TUSC3: variants seen among roughly 807,000 people sequenced by gnomAD.
TUSC3 encodes dolichyl-diphosphooligosaccharide--protein glycosyltransferase subunit TUSC3.
TUSC3 carries 45 observed loss-of-function variants against 44.8 expected under a neutral mutation model. That is an observed-to-expected ratio of 1.00 (90% CI 0.79 to 1.29). The LOEUF (loss-of-function observed/expected upper bound fraction) is 1.29, where lower values mean the gene tolerates loss of function less well. Among genes scored for constraint, TUSC3 ranks in the 50% most tolerant of loss-of-function variants. The pLI is 0.00. For missense variants in TUSC3, 519 were observed against 437.9 expected, an observed-to-expected ratio of 1.19 and a Z score of -1.65; for synonymous variants, 212 against 152.9, an observed-to-expected ratio of 1.39 and a Z score of -2.85.
chr8:15,697,704 T>A (rs1223222694), intron 6 of TUSC3, among the ~76,000 whole-genome samples: 1 of 152,216 alleles, frequency 6.6e-6, no homozygotes, highest in African/African-American at 2.4e-5. Context: ...TCTGTTTAGG[T>A]CATAATGCTG....
intron 2 of TUSC3, among the ~76,000 whole-genome samples, chr8:15,646,360 C>G (rs1806630096): frequency 6.6e-6 from 1 of 151,880 alleles, no homozygotes; most frequent in Admixed American, 6.6e-5. Flanking sequence ...TTTATTCTTC[C>G]CATTATCTTC....
chr8:15,440,475 A>C (rs183039502), intron 1 of TUSC3, among the ~76,000 whole-genome samples: 1 of 152,302 alleles, frequency 6.6e-6, no homozygotes, highest in Non-Finnish European at 1.5e-5. Context: ...TAACAGAACT[A>C]ATTTTTATTG....
intron 6 of TUSC3, among the ~76,000 whole-genome samples, chr8:15,697,676 G>C (rs368651283): frequency 1.3e-5 from 2 of 152,112 alleles, no homozygotes; most frequent in Non-Finnish European, 2.9e-5. Flanking sequence ...GACCTAATGG[G>C]TTATGTACAT....
At chr8:15,733,345 C>CTT in intron 7 of TUSC3, 2 of 381,610 alleles carry the variant, frequency 5.2e-6, no homozygotes, top group East Asian at 9.7e-5. Flanking sequence ...ATTATAGCTT[C>CTT]TTTTTGTTTT....
At chr8:15,742,398 T>C (rs1448583100) in intron 7 of TUSC3, among the ~76,000 whole-genome samples, 1 of 152,172 alleles carries the variant, frequency 6.6e-6, no homozygotes, top group Non-Finnish European at 1.5e-5. Flanking sequence ...GTCAGGCATT[T>C]ATCCTTATCC....
At chr8:15,629,748 AAG>A (rs1436426512) in intron 2 of TUSC3, among the ~76,000 whole-genome samples, 1 of 151,266 alleles carries the variant, frequency 6.6e-6, no homozygotes, top group Non-Finnish European at 1.5e-5. Context: ...AAAAAAAAAA[AAG>A]CGAAATTTTC....
At chr8:15,806,282 G>A in the TUSC3 span, 1 of 645,584 alleles carries the variant, frequency 1.5e-6, no homozygotes, top group South Asian at 1.5e-5. Flanking sequence ...TGTTCTCATT[G>A]GCTAATGTGT....
intron 5 of TUSC3, among the ~76,000 whole-genome samples, chr8:15,663,462 T>C (rs184312846): frequency 6.6e-6 from 1 of 151,792 alleles, no homozygotes; most frequent in Non-Finnish European, 1.5e-5. Flanking sequence ...ATTAGGGGTC[T>C]TGATGACTAA....
intron 7 of TUSC3, among the ~76,000 whole-genome samples, chr8:15,737,687 G>A (rs966640802): frequency 3.9e-5 from 6 of 151,900 alleles, no homozygotes; most frequent in African/African-American, 1.2e-4. Context: ...AAAGCTAGAC[G>A]GCTACACCCA....
At chr8:15,722,733 G>A (rs1810348077) in intron 6 of TUSC3, among the ~76,000 whole-genome samples, 1 of 151,674 alleles carries the variant, frequency 6.6e-6, no homozygotes, top group Non-Finnish European at 1.5e-5. Context: ...TGTTCCAATG[G>A]AAAATTTTTG....
chr8:15,824,159 C>A, the TUSC3 span, among the ~76,000 whole-genome samples: 4 of 152,276 alleles, frequency 2.6e-5, no homozygotes, highest in African/African-American at 9.6e-5. Flanking sequence ...CTGAGAATCA[C>A]TGCATTGTAT....
chr8:15,551,972 C>G (rs577239292), intron 1 of TUSC3, among the ~76,000 whole-genome samples: 1 of 151,520 alleles, frequency 6.6e-6, no homozygotes, highest in Non-Finnish European at 1.5e-5. Flanking sequence ...TGTGTTTTAC[C>G]GATTTCTTAG....
chr8:15,573,635 G>C (rs1283661661), intron 1 of TUSC3, among the ~76,000 whole-genome samples: 2 of 151,474 alleles, frequency 1.3e-5, no homozygotes, highest in Admixed American at 6.6e-5. Context: ...TGAGGAAGTT[G>C]TTTATGAACC....
intron 1 of TUSC3, among the ~76,000 whole-genome samples, chr8:15,428,907 C>T (rs1312898155): frequency 6.6e-6 from 1 of 152,062 alleles, no homozygotes; most frequent in Non-Finnish European, 1.5e-5. Flanking sequence ...AAAATTTCTC[C>T]CATTCTGTAG....
chr8:15,666,327 C>A (rs1350810998), intron 5 of TUSC3, among the ~76,000 whole-genome samples: 2 of 151,398 alleles, frequency 1.3e-5, no homozygotes, highest in African/African-American at 4.8e-5. Flanking sequence ...ATAACCCAAC[C>A]TTATTATCAC....
the TUSC3 span, among the ~76,000 whole-genome samples, chr8:15,791,522 A>C: frequency 6.6e-6 from 1 of 152,078 alleles, no homozygotes; most frequent in Non-Finnish European, 1.5e-5. Flanking sequence ...GGATGACAAG[A>C]CTGGGGAGAC....
chr8:15,534,387 TAA>T (rs1801493786), intron 2 of TUSC3, among the ~76,000 whole-genome samples: 1 of 152,104 alleles, frequency 6.6e-6, no homozygotes, highest in Non-Finnish European at 1.5e-5. Flanking sequence ...CGCACACCTG[TAA>T]TCCCAGCACT....
chr8:15,701,119 T>A (rs1200951917), intron 6 of TUSC3, among the ~76,000 whole-genome samples: 1 of 152,070 alleles, frequency 6.6e-6, no homozygotes, highest in Non-Finnish European at 1.5e-5. Flanking sequence ...TTTAAAAAAA[T>A]GTTACAGAAG....
the TUSC3 span, among the ~76,000 whole-genome samples, chr8:15,821,732 A>G: frequency 6.6e-6 from 1 of 151,888 alleles, no homozygotes; most frequent in South Asian, 2.1e-4. Context: ...GCCCCCTTTT[A>G]TTTGCCTTAG....
Sources: gnomAD v4.1 joint callset for allele counts (sites outside exome capture counted in the v4.1 genomes callset) on GRCh38, gnomAD v4.1.1 for gene constraint, MANE v1.5 for transcripts, NCBI Gene and HGNC (gene_info 2026-07-23, HGNC 2026-07-21) for gene names.